CD2AP: variants seen among roughly 807,000 people sequenced by gnomAD.
CD2AP encodes CD2-associated protein.
In CD2AP, 46 loss-of-function variants were observed where a neutral mutation model predicts 85.1. That is an observed-to-expected ratio of 0.54 (90% CI 0.43 to 0.69). The LOEUF is 0.69. Ranked by LOEUF, CD2AP falls within the 30% of genes least tolerant of loss-of-function variation. The pLI, the probability that CD2AP is intolerant of heterozygous loss-of-function variation, is 0.00. For missense variants in CD2AP, 769 were observed against 729.5 expected, an observed-to-expected ratio of 1.05 and a Z score of -0.62; for synonymous variants, 255 against 252.9, an observed-to-expected ratio of 1.01 and a Z score of -0.08.
chr6:47,499,821 C>T (rs1459167979), intron 1 of CD2AP, among the ~76,000 whole-genome samples: 5 of 152,144 alleles, frequency 3.3e-5, no homozygotes, highest in Non-Finnish European at 5.9e-5. Flanking sequence ...TTTCGCCTCC[C>T]GGGTTCAAGC....
intron 2 of CD2AP, among the ~76,000 whole-genome samples, chr6:47,505,921 C>T (rs796452255): frequency 4.5e-4 from 49 of 108,120 alleles, no homozygotes; most frequent in East Asian, 1.8e-3. Context: ...ACCTCCCTCC[C>T]GGACGGGGTG....
At chr6:47,479,123 T>G (rs1439810329) in intron 1 of CD2AP, among the ~76,000 whole-genome samples, 3 of 152,120 alleles carry the variant, frequency 2.0e-5, no homozygotes. Context: ...AAAAGCAACT[T>G]AAGAATAGCT....
At chr6:47,487,689 CAAAACAAA>C (rs1182516932) in intron 1 of CD2AP, among the ~76,000 whole-genome samples, 1 of 138,046 alleles carries the variant, frequency 7.2e-6, no homozygotes, top group Non-Finnish European at 1.6e-5. Flanking sequence ...GACTCTGTCT[CAAAACAAA>C]CAAACAAACA....
chr6:47,603,976 A>G (rs1372060047), intron 13 of CD2AP, among the ~76,000 whole-genome samples: 1 of 152,082 alleles, frequency 6.6e-6, no homozygotes, highest in Non-Finnish European at 1.5e-5. Context: ...CCATTTTTAG[A>G]TACAATGAAA....
intron 16 of CD2AP, among the ~76,000 whole-genome samples, chr6:47,610,971 A>ATATATATATATATTTTTT: frequency 1.8e-5 from 2 of 112,908 alleles, no homozygotes; most frequent in African/African-American, 3.6e-5. Flanking sequence ...ATATATATGT[A>ATATATATATATATTTTTT]TTTTTTTTTT....
At position 47,554,691 on chromosome 6, in the gene CD2AP, C is replaced by G; in HGVS notation, c.466C>G (p.Leu156Val). ...WSGTLNNKLG[L>V]FPSNFVKELE... ...TGGAACCCTGAATAACAAGTTGGGA[C>G]TGTTTCCCTCAAATTTTGTGAAAGA... The change falls in exon 5 of 18, where the codon CTG becomes GTG. Residue 156 changes from leucine to valine, a missense_variant. Transcript: ENST00000359314. The G allele has an allele frequency of 1.2e-6, 2 of 1,613,502 alleles. No homozygotes were observed. The highest frequency in any genetic ancestry group is 1.7e-4 in the Middle Eastern group (1 of 6,058).
intron 2 of CD2AP, among the ~76,000 whole-genome samples, chr6:47,516,273 T>C (rs1766451004): frequency 6.6e-6 from 1 of 152,226 alleles, no homozygotes; most frequent in Non-Finnish European, 1.5e-5. Flanking sequence ...GCTGCTTTAG[T>C]CTTGTGGCAA....
intron 9 of CD2AP, chr6:47,580,033 A>T (rs1427293822): frequency 6.4e-6 from 1 of 156,686 alleles, no homozygotes; most frequent in Non-Finnish European, 1.4e-5. Flanking sequence ...TTTTTAGAAT[A>T]GAGGGAAAGA....
At chr6:47,586,191 G>A (rs1166948119) in intron 11 of CD2AP, among the ~76,000 whole-genome samples, 1 of 152,082 alleles carries the variant, frequency 6.6e-6, no homozygotes, top group Non-Finnish European at 1.5e-5. Context: ...AGAAGAAAAT[G>A]TGAACATTAC....
rs771022660 is a variant in CD2AP, at chr6:47,544,592, G to C, written c.320-14G>C. On this transcript the variant is annotated splice_polypyrimidine_tract_variant and intron_variant, in intron 3 of 17. Coordinates refer to ENST00000359314, the MANE Select transcript of CD2AP (RefSeq NM_012120.3). ...CATTCTTAATCTAATTTCTTATTAT[G>C]TTACTTTCTTTAGAGACCAAGAAGC... The C allele has an allele frequency of 1.3e-6, 2 of 1,502,190 alleles. No individual in the cohort carries two copies. Among genetic ancestry groups the C allele is most frequent in the African/African-American group, 1.4e-5 (1 of 72,726 alleles). 93.1% of individuals were successfully genotyped at this position (1,502,190 alleles called of 1,614,324 possible). A position where few individuals can be genotyped will look rare whatever the true frequency, so the allele number is the denominator to read the frequency against.
chr6:47,505,869 C>G (rs1766144529), intron 2 of CD2AP, among the ~76,000 whole-genome samples: 2 of 122,804 alleles, frequency 1.6e-5, no homozygotes, highest in African/African-American at 6.6e-5. Flanking sequence ...CCACCTCCCT[C>G]CCGGATGGGG....
intron 2 of CD2AP, among the ~76,000 whole-genome samples, chr6:47,514,656 A>G (rs916516277): frequency 6.6e-6 from 1 of 152,252 alleles, no homozygotes; most frequent in East Asian, 1.9e-4. Flanking sequence ...ACAGTGTAAA[A>G]CAGGATAAAT....
intron 17 of CD2AP, among the ~76,000 whole-genome samples, chr6:47,618,723 A>G (rs1242310096): frequency 6.6e-6 from 1 of 152,212 alleles, no homozygotes; most frequent in African/African-American, 2.4e-5. Flanking sequence ...TGTATATCTG[A>G]CTTAATTTGC....
intron 5 of CD2AP, among the ~76,000 whole-genome samples, chr6:47,563,177 T>A (rs2114077957): frequency 6.6e-6 from 1 of 152,322 alleles, no homozygotes; most frequent in African/African-American, 2.4e-5. Context: ...AGTTCTGATT[T>A]TCTGAGCGTA....
At chr6:47,548,372 T>C (rs1394951042) in intron 4 of CD2AP, among the ~76,000 whole-genome samples, 2 of 152,130 alleles carry the variant, frequency 1.3e-5, no homozygotes, top group African/African-American at 4.8e-5. Flanking sequence ...GCAGGAGATA[T>C]TACAGTTGAC....
At chr6:47,497,776 G>A (rs1328450283) in intron 1 of CD2AP, among the ~76,000 whole-genome samples, 1 of 152,110 alleles carries the variant, frequency 6.6e-6, no homozygotes, top group Non-Finnish European at 1.5e-5. Flanking sequence ...ATCATCTTTA[G>A]TTTTTTGTCC....
chr6:47,489,168 T>TG (rs1765656228), intron 1 of CD2AP: 1 of 23,428 alleles, frequency 4.3e-5, no homozygotes, highest in Non-Finnish European at 1.5e-4. Flanking sequence ...CAACTAGTTT[T>TG]TTTTTTTTTT....
chr6:47,532,345 GA>G (rs1193168114), intron 2 of CD2AP, among the ~76,000 whole-genome samples: 2,583 of 72,500 alleles, frequency 0.036, 50 homozygotes, highest in African/African-American at 0.082. Context: ...CTTGTCTGAA[GA>G]AAAAAAAAAA....
intron 11 of CD2AP, among the ~76,000 whole-genome samples, chr6:47,584,609 C>T (rs941383473): frequency 4.6e-5 from 7 of 152,086 alleles, no homozygotes; most frequent in Non-Finnish European, 1.0e-4. Flanking sequence ...ACTCTCTAGT[C>T]CCTAAATATG....
Sources: allele counts gnomAD v4.1 joint callset (sites outside exome capture counted in the v4.1 genomes callset), GRCh38; gene constraint gnomAD v4.1.1; transcripts MANE v1.5; gene names NCBI Gene and HGNC (gene_info 2026-07-23, HGNC 2026-07-21).